Variants in FGF13 observed in about 807,000 individuals in gnomAD.
The protein encoded by FGF13 is fibroblast growth factor 13, also known as fibroblast growth factor homologous factor 2.
FGF13 carries 2 observed loss-of-function variants against 19.5 expected under a neutral mutation model. That is an observed-to-expected ratio of 0.10 (90% CI 0.04 to 0.32). The LOEUF is 0.32. FGF13 is among the 10% of genes least tolerant of loss of function. The pLI is 1.00. For synonymous variants in FGF13, 72 were observed against 76.9 expected (o/e 0.94, Z 0.33); for missense variants, 113 against 192.7 (o/e 0.59, Z 2.45).
chrX:138,965,199 C>T (rs776042597), intron 1 of FGF13, among the ~76,000 whole-genome samples: 3 of 112,570 alleles, frequency 2.7e-5, no homozygotes, highest in Non-Finnish European at 3.8e-5. Flanking sequence ...ACTTCCTTTA[C>T]CCCTTCAGTT....
intron 1 of FGF13, among the ~76,000 whole-genome samples, chrX:138,734,679 C>G (rs1296900292): frequency 2.7e-5 from 3 of 111,674 alleles, no homozygotes; most frequent in South Asian, 3.7e-4. Flanking sequence ...GAGGCTATCC[C>G]AAATCCAGCC....
intron 3 of FGF13, among the ~76,000 whole-genome samples, chrX:138,694,988 C>CACAG (rs2089880256): frequency 6.9e-5 from 2 of 29,044 alleles, no homozygotes; most frequent in African/African-American, 4.6e-4. Flanking sequence ...CTAGTTGAAA[C>CACAG]ACACACACAC....
upstream of FGF13, chrX:139,204,006 G>A (rs1200112718): frequency 8.6e-7 from 1 of 1,168,658 alleles, no homozygotes; most frequent in African/African-American, 1.8e-5. Context: ...GCACGCGAGG[G>A]GGCGAGGGAA....
intron 1 of FGF13, among the ~76,000 whole-genome samples, chrX:138,729,501 TG>T (rs1260771510): frequency 9.2e-6 from 1 of 109,237 alleles, no homozygotes; most frequent in African/African-American, 3.3e-5. Flanking sequence ...CAAAAAAAAT[TG>T]GAACAGTGTG....
At chrX:139,142,322 CT>C (rs1407108399) in intron 1 of FGF13, among the ~76,000 whole-genome samples, 1 of 111,454 alleles carries the variant, frequency 9.0e-6, no homozygotes, top group African/African-American at 3.3e-5. Context: ...AAAATGACAG[CT>C]AACAGAAAGA....
At chrX:138,818,220 T>A (rs747055371) in intron 3 of FGF13, among the ~76,000 whole-genome samples, 4 of 111,308 alleles carry the variant, frequency 3.6e-5, no homozygotes, top group South Asian at 3.8e-4. Context: ...GGAATAACAT[T>A]AATCATAATT....
chrX:138,781,079 C>G (rs759449323), intron 3 of FGF13, among the ~76,000 whole-genome samples: 3 of 110,742 alleles, frequency 2.7e-5, no homozygotes, highest in Non-Finnish European at 3.8e-5. Context: ...GGGTACATAA[C>G]GAAATGAAGG....
intron 3 of FGF13, among the ~76,000 whole-genome samples, chrX:138,825,561 A>G (rs2091028023): frequency 9.0e-6 from 1 of 111,170 alleles, no homozygotes; most frequent in African/African-American, 3.3e-5. Context: ...GAACTGCTAT[A>G]GTTAAGAACT....
intron 1 of FGF13, among the ~76,000 whole-genome samples, chrX:139,005,512 A>C: frequency 9.1e-6 from 1 of 110,136 alleles, no homozygotes; most frequent in Middle Eastern, 4.7e-3. Context: ...ACTTTCCAAC[A>C]CCCAGATCAG....
At chrX:139,008,284 C>A (rs748487407) in intron 1 of FGF13, among the ~76,000 whole-genome samples, 2 of 111,950 alleles carry the variant, frequency 1.8e-5, no homozygotes, top group Non-Finnish European at 3.8e-5. Context: ...ACCTGAGAAA[C>A]CTGAATATTT....
At chrX:139,164,098 T>TC (rs1363992809) in intron 1 of FGF13, among the ~76,000 whole-genome samples, 1 of 107,492 alleles carries the variant, frequency 9.3e-6, no homozygotes, top group Non-Finnish European at 1.9e-5. Context: ...GTTTTCTTTT[T>TC]TTTTTTTTTT....
intron 1 of FGF13, among the ~76,000 whole-genome samples, chrX:138,984,581 GAA>G (rs1410103429): frequency 7.1e-5 from 4 of 56,276 alleles, no homozygotes; most frequent in African/African-American, 2.8e-4. Context: ...AGAAGAAGAA[GAA>G]GAAGAAGGAG....
At chrX:138,873,463 T>C (rs1213263924) in intron 1 of FGF13, among the ~76,000 whole-genome samples, 1 of 111,746 alleles carries the variant, frequency 8.9e-6, no homozygotes, top group Non-Finnish European at 1.9e-5. Context: ...GGAAAGATAA[T>C]GTAGGTCATA....
At chrX:138,820,434 G>C (rs776220257) in intron 3 of FGF13, among the ~76,000 whole-genome samples, 1 of 111,995 alleles carries the variant, frequency 8.9e-6, no homozygotes, top group African/African-American at 3.2e-5. Context: ...TCTGCAAAAG[G>C]CAAGATAATC....
At chrX:138,978,705 C>A (rs917902848) in intron 1 of FGF13, among the ~76,000 whole-genome samples, 4 of 112,078 alleles carry the variant, frequency 3.6e-5, no homozygotes, top group African/African-American at 3.2e-5. Context: ...CATCACAACT[C>A]ATTTTACAGA....
intron 3 of FGF13, among the ~76,000 whole-genome samples, chrX:138,766,113 T>G (rs777208146): frequency 8.9e-6 from 1 of 112,315 alleles, no homozygotes; most frequent in African/African-American, 3.2e-5. Context: ...AGCCTGTACC[T>G]TTGTGTACTA....
At chrX:139,193,582 G>C (rs769279576) in intron 1 of FGF13, among the ~76,000 whole-genome samples, 5 of 111,299 alleles carry the variant, frequency 4.5e-5, no homozygotes, top group Non-Finnish European at 9.4e-5. Context: ...GTGCCTGCTG[G>C]GAGGGCGGAA....
chrX:138,770,552 T>G (rs1270145350), intron 3 of FGF13, among the ~76,000 whole-genome samples: 1 of 111,257 alleles, frequency 9.0e-6, no homozygotes, highest in Non-Finnish European at 1.9e-5. Flanking sequence ...TAGGCTGAGA[T>G]AGCTTTCTGT....
intron 3 of FGF13, among the ~76,000 whole-genome samples, chrX:138,812,274 G>T (rs767975737): frequency 2.7e-5 from 3 of 112,007 alleles, no homozygotes; most frequent in South Asian, 3.7e-4. Context: ...AGTACAGACA[G>T]CCCACATTAT....
Sources: allele counts gnomAD v4.1 joint callset (sites outside exome capture counted in the v4.1 genomes callset), GRCh38; gene constraint gnomAD v4.1.1; transcripts MANE v1.5; gene names NCBI Gene and HGNC (gene_info 2026-07-23, HGNC 2026-07-21).